Variants in RALGPS2 observed in about 807,000 individuals in gnomAD.
The protein encoded by RALGPS2 is Ral GEF with PH domain and SH3 binding motif 2.
A neutral mutation model predicts 86.8 loss-of-function variants in RALGPS2; 43 were observed. The ratio of observed to expected loss-of-function variants is 0.50; its 90% CI spans 0.39 to 0.64. The LOEUF is 0.64. Ranked by LOEUF, RALGPS2 falls within the 30% of genes least tolerant of loss-of-function variation. The pLI is 0.00. For synonymous variants in RALGPS2, 243 were observed against 231.3 expected (o/e 1.05, Z -0.46); for missense variants, 536 against 694.6 (o/e 0.77, Z 2.57).
chr1:178,740,046 A>AT (rs1650930026), intron 1 of RALGPS2, among the ~76,000 whole-genome samples: 1 of 152,246 alleles, frequency 6.6e-6, no homozygotes, highest in South Asian at 2.1e-4. Context: ...TGAATGGAGT[A>AT]TGGCAACCTT....
chr1:178,870,448 C>G (rs1192260388), intron 8 of RALGPS2, among the ~76,000 whole-genome samples: 1 of 152,108 alleles, frequency 6.6e-6, no homozygotes, highest in Non-Finnish European at 1.5e-5. Context: ...AAATTTCTTT[C>G]TACTGTCACT....
intron 12 of RALGPS2, chr1:178,885,418 T>A (rs1659440028): frequency 1.9e-6 from 1 of 525,066 alleles, no homozygotes; most frequent in South Asian, 2.7e-5. Flanking sequence ...TTGTCAACAA[T>A]GCATTTATAT....
At chr1:178,863,725 GA>G (rs1658188227) in intron 8 of RALGPS2, among the ~76,000 whole-genome samples, 1 of 152,134 alleles carries the variant, frequency 6.6e-6, no homozygotes, top group South Asian at 2.1e-4. Context: ...ATATCTTGAA[GA>G]AAGACTTTAA....
chr1:178,798,412 A>G (rs1275766059), intron 4 of RALGPS2, among the ~76,000 whole-genome samples: 1 of 152,162 alleles, frequency 6.6e-6, no homozygotes, highest in Non-Finnish European at 1.5e-5. Flanking sequence ...TTAAAATGTG[A>G]TCTCTCACTG....
intron 7 of RALGPS2, 100 bp from the exon 8 acceptor site, chr1:178,833,324 A>T: frequency 8.8e-7 from 1 of 1,130,320 alleles, no homozygotes; most frequent in Non-Finnish European, 1.1e-6. Context: ...TAACTTTGAA[A>T]TTAAAATCCA....
chr1:178,908,997 G>T (rs529277880), intron 19 of RALGPS2, among the ~76,000 whole-genome samples: 390 of 152,246 alleles, frequency 2.6e-3, no homozygotes, highest in African/African-American at 9.0e-3. Flanking sequence ...GTCCAGAATG[G>T]TATATCCTAG....
At chr1:178,755,140 C>T (rs1417284209) in intron 1 of RALGPS2, among the ~76,000 whole-genome samples, 3 of 152,016 alleles carry the variant, frequency 2.0e-5, no homozygotes, top group Non-Finnish European at 2.9e-5. Context: ...TTCCTTTTTT[C>T]TTTTTATTTT....
chr1:178,821,268 A>G (rs1406384972), intron 6 of RALGPS2, among the ~76,000 whole-genome samples: 1 of 152,196 alleles, frequency 6.6e-6, no homozygotes, highest in Non-Finnish European at 1.5e-5. Flanking sequence ...AGGCTTAGTA[A>G]TAGTTCAGTA....
In RALGPS2 at chr1:178,865,377, A is replaced by G. The variant is rs1326279907; in HGVS notation, c.608-12121A>G. On this transcript the variant is annotated intron_variant, in intron 8 of 19. Coordinates refer to ENST00000367635, the MANE Select transcript of RALGPS2 (RefSeq NM_152663.5). ...ATAATCTCATGTAATAATTGCATAT[A>G]GAGTTGAGTAACACGAGAGTTCATG... 4 of 1,613,978 alleles carry G rather than the reference A, an allele frequency of 2.5e-6. No homozygotes were observed. In the Admixed American group the frequency reaches 6.7e-5, roughly 27 times the overall value.
At chr1:178,882,180 T>A (rs2102372949) in intron 10 of RALGPS2, among the ~76,000 whole-genome samples, 1 of 152,348 alleles carries the variant, frequency 6.6e-6, no homozygotes, top group African/African-American at 2.4e-5. Context: ...AGTTTCTAGG[T>A]GCTACCAATA....
intron 1 of RALGPS2, among the ~76,000 whole-genome samples, chr1:178,749,999 T>C (rs987656914): frequency 6.6e-6 from 1 of 152,050 alleles, no homozygotes; most frequent in Non-Finnish European, 1.5e-5. Flanking sequence ...TTGTCCCAGC[T>C]ACTTGGAGGG....
intron 13 of RALGPS2, among the ~76,000 whole-genome samples, chr1:178,886,889 G>A (rs1659508280): frequency 6.6e-6 from 1 of 152,164 alleles, no homozygotes; most frequent in African/African-American, 2.4e-5. Context: ...AGATGAGAAT[G>A]GGGAATTGAC....
intron 1 of RALGPS2, among the ~76,000 whole-genome samples, chr1:178,764,551 G>A (rs1652402530): frequency 6.6e-6 from 1 of 152,120 alleles, no homozygotes; most frequent in South Asian, 2.1e-4. Flanking sequence ...TGCCTTTATA[G>A]GGTTACTAGC....
chr1:178,915,990 A>G (rs1558184989), intron 19 of RALGPS2, among the ~76,000 whole-genome samples: 1 of 152,200 alleles, frequency 6.6e-6, no homozygotes, highest in Non-Finnish European at 1.5e-5. Context: ...TGTATCTGGA[A>G]TCTCACCCTA....
chr1:178,809,797 G>A (rs1233606137), intron 5 of RALGPS2, among the ~76,000 whole-genome samples: 1 of 152,046 alleles, frequency 6.6e-6, no homozygotes, highest in Non-Finnish European at 1.5e-5. Flanking sequence ...GGCAGGGGCT[G>A]CATGGTCTTT....
rs186859462 is a variant in RALGPS2 at position 178,756,660 on chromosome 1, A to G, written c.-83-20022A>G. 1.3e-3 allele frequency among the ~76,000 whole-genome samples: 194 copies of G among 152,144 alleles called. 2 individuals are homozygous for G. The highest frequency in any genetic ancestry group is 4.3e-3 in the African/African-American group (178 of 41,524). ...TACTCAGGTTCTTTTTTGGTTCCAT[A>G]TGAATTTTAGAGTAGTTTTTTTCTG... On this transcript the variant is annotated intron_variant, in intron 1 of 19. Transcript: ENST00000367635.
intron 1 of RALGPS2, among the ~76,000 whole-genome samples, chr1:178,730,239 GC>G (rs1650259235): frequency 6.6e-6 from 1 of 152,114 alleles, no homozygotes; most frequent in Non-Finnish European, 1.5e-5. Context: ...ACCATGCCTG[GC>G]CCTGTTTTTC....
At chr1:178,796,241 A>C (rs1350879993) in intron 4 of RALGPS2, among the ~76,000 whole-genome samples, 1 of 152,168 alleles carries the variant, frequency 6.6e-6, no homozygotes, top group East Asian at 1.9e-4. Context: ...GGAGGAAGGA[A>C]GAGAAAAGAG....
intron 1 of RALGPS2, among the ~76,000 whole-genome samples, chr1:178,776,152 A>G (rs994726906): frequency 2.0e-5 from 3 of 152,206 alleles, no homozygotes; most frequent in African/African-American, 7.2e-5. Flanking sequence ...TTTGGTATCT[A>G]TAGTAGATCC....
Sources: gnomAD v4.1 joint callset for allele counts (sites outside exome capture counted in the v4.1 genomes callset) on GRCh38, gnomAD v4.1.1 for gene constraint, MANE v1.5 for transcripts, NCBI Gene and HGNC (gene_info 2026-07-23, HGNC 2026-07-21) for gene names.